The following NAF1 variants were observed in gnomAD, a reference collection of about 807,000 sequenced individuals.
The protein encoded by NAF1 is H/ACA ribonucleoprotein complex non-core subunit NAF1.
Under a neutral mutation model 40.6 loss-of-function variants are expected in NAF1, and 11 were observed. The observed-to-expected ratio is 0.27, with a 90% CI of 0.17 to 0.45. NAF1 has a LOEUF of 0.45. Among genes scored for constraint, NAF1 ranks in the 20% least tolerant of loss-of-function variants. The pLI is 1.00. For synonymous variants in NAF1, 260 were observed against 228.5 expected, an observed-to-expected ratio of 1.14 and a Z score of -1.24; for missense variants, 607 against 611.1, an observed-to-expected ratio of 0.99 and a Z score of 0.07.
chr4:163,130,639 A>G (rs1215448563), intron 7 of NAF1, among the ~76,000 whole-genome samples: 2 of 152,238 alleles, frequency 1.3e-5, no homozygotes, highest in African/African-American at 2.4e-5. Flanking sequence ...GACCCACATA[A>G]ACATAATAAA....
chr4:163,164,597 GAT>G (rs1331328304), intron 1 of NAF1, among the ~76,000 whole-genome samples: 1 of 152,118 alleles, frequency 6.6e-6, no homozygotes, highest in Admixed American at 6.5e-5. Context: ...CTTCAAAACT[GAT>G]ATGGTATTGG....
intron 2 of NAF1, among the ~76,000 whole-genome samples, chr4:163,121,310 T>C (rs1183764984): frequency 6.6e-6 from 1 of 152,208 alleles, no homozygotes; most frequent in Non-Finnish European, 1.5e-5. Context: ...ATATTATCCA[T>C]ATCCTAATTT....
chr4:163,140,840 T>C (rs1345385587), intron 4 of NAF1, among the ~76,000 whole-genome samples: 1 of 152,238 alleles, frequency 6.6e-6, no homozygotes, highest in Non-Finnish European at 1.5e-5. Flanking sequence ...TTTTGCTGTT[T>C]CCACAGTGTT....
chr4:163,104,701 G>A, the NAF1 span, among the ~76,000 whole-genome samples: 1 of 152,180 alleles, frequency 6.6e-6, no homozygotes, highest in Non-Finnish European at 1.5e-5. Flanking sequence ...AATTTACAAT[G>A]CAATAAAAGT....
intron 2 of NAF1, among the ~76,000 whole-genome samples, chr4:163,112,513 C>T (rs1266883671): frequency 6.6e-6 from 1 of 152,102 alleles, no homozygotes; most frequent in Non-Finnish European, 1.5e-5. Flanking sequence ...GCTTAACCAA[C>T]CCAAAGAGAG....
At chr4:163,130,453 A>G (rs184110296) in intron 7 of NAF1, among the ~76,000 whole-genome samples, 4 of 152,332 alleles carry the variant, frequency 2.6e-5, no homozygotes, top group Admixed American at 2.0e-4. Flanking sequence ...TAAAAACTCA[A>G]TGGAACAATA....
Position 163,112,356 on chromosome 4 carries a change from G to A in NAF1, c.115-2066C>T, listed in dbSNP as rs959692299. Among the ~76,000 whole-genome samples, 5 of 152,282 alleles carry A rather than the reference G, an allele frequency of 3.3e-5. No individual in the cohort carries two copies. In the South Asian group the frequency reaches 1.0e-3, roughly 32 times the overall value. On this transcript the variant is annotated intron_variant, in intron 2 of 2. Transcript: ENST00000509434. ...GTGATGGAAATCTGAATGTATTTGA[G>A]CTATCACAGGTTGGATTCACTGGAA...
chr4:163,109,033 G>T (rs546203028), downstream of NAF1: 1 of 151,980 alleles, frequency 6.6e-6, no homozygotes, highest in Non-Finnish European at 1.5e-5. Context: ...ACTGTATGTT[G>T]AGAGTAAATA....
intron 6 of NAF1, among the ~76,000 whole-genome samples, chr4:163,136,600 T>C (rs1338575998): frequency 1.3e-5 from 2 of 152,036 alleles, no homozygotes; most frequent in African/African-American, 4.8e-5. Context: ...CTTATTTACA[T>C]ATTATTCCTA....
At chr4:163,146,253 A>G (rs1731465580) in intron 3 of NAF1, among the ~76,000 whole-genome samples, 1 of 152,200 alleles carries the variant, frequency 6.6e-6, no homozygotes, top group Non-Finnish European at 1.5e-5. Context: ...TCACTCTTAA[A>G]AATTCTTTTC....
Position 163,166,486 on chromosome 4 carries a change from G to A in NAF1, c.242C>T (p.Pro81Leu). ...CGATTCAGCCGGTGGCTGTGGCTGC[G>A]GCGCCGGGGTCCCGGCCGCGACGGC... is the stretch of plus-strand genomic sequence containing the variant. ...LNAVAAGTPAPQPQPPAESPA... is the reference protein window; with the variant it reads ...LNAVAAGTPALQPQPPAESPA... Residue 81 changes from proline (P) to leucine (L), a missense_variant, in exon 1 of 8, where the codon CCG (proline) becomes CTG (leucine). Pro to Leu is a moderately conservative substitution (Grantham distance 98). Around this residue, in one of 3 missense-constraint regions of NAF1, gnomAD observed 407 missense variants for 365.5 expected, o/e 1.11. Transcript: ENST00000274054. The A allele has an allele frequency of 1.2e-6, 2 of 1,600,150 alleles. No homozygotes were observed. The highest frequency in any genetic ancestry group is 1.7e-6 in the Non-Finnish European group (2 of 1,173,272).
chr4:163,159,259 T>G (rs1285926259), intron 2 of NAF1, among the ~76,000 whole-genome samples: 1 of 152,124 alleles, frequency 6.6e-6, no homozygotes. Flanking sequence ...TAAAAAACCC[T>G]GAGTATTAAT....
intron 4 of NAF1, among the ~76,000 whole-genome samples, chr4:163,142,429 G>C (rs1457740010): frequency 6.6e-6 from 1 of 152,174 alleles, no homozygotes; most frequent in Non-Finnish European, 1.5e-5. Flanking sequence ...CATTTCCTAA[G>C]TGTGAAAAAC....
chr4:163,104,915 T>G, the NAF1 span, among the ~76,000 whole-genome samples: 2 of 152,220 alleles, frequency 1.3e-5, no homozygotes, highest in African/African-American at 4.8e-5. Flanking sequence ...TGCTCAGTGC[T>G]TTTTTGTGCA....
chr4:163,124,082 A>T (rs1307945737), downstream of NAF1, among the ~76,000 whole-genome samples: 1 of 152,246 alleles, frequency 6.6e-6, no homozygotes, highest in African/African-American at 2.4e-5. Context: ...TATGCTGGGC[A>T]TGGTGGCTTG....
chr4:163,131,971 C>T (rs758901942), intron 7 of NAF1, among the ~76,000 whole-genome samples: 1 of 152,150 alleles, frequency 6.6e-6, no homozygotes, highest in Admixed American at 6.5e-5. Flanking sequence ...ATGTTCAATG[C>T]CATTAGCCAT....
downstream of NAF1, chr4:163,127,215 T>C: frequency 2.9e-6 from 4 of 1,377,812 alleles, no homozygotes; most frequent in African/African-American, 3.0e-5. Flanking sequence ...TTGCAACCTC[T>C]GCCTCCCAGG....
chr4:163,138,761 T>C (rs1731150059), intron 5 of NAF1, among the ~76,000 whole-genome samples: 1 of 152,180 alleles, frequency 6.6e-6, no homozygotes, highest in Non-Finnish European at 1.5e-5. Context: ...GTCTATTATC[T>C]AAAATCTATT....
downstream of NAF1, among the ~76,000 whole-genome samples, chr4:163,123,308 C>T (rs942742313): frequency 3.3e-5 from 5 of 152,172 alleles, no homozygotes; most frequent in Admixed American, 6.5e-5. Context: ...ATCCCATGAC[C>T]GAAACACCTC....
Sources: gnomAD v4.1 joint callset for allele counts (sites outside exome capture counted in the v4.1 genomes callset) on GRCh38, gnomAD v4.1.1 for gene constraint, gnomAD v4.1.1 regional missense constraint, MANE v1.5 for transcripts, NCBI Gene and HGNC (gene_info 2026-07-23, HGNC 2026-07-21) for gene names.